NCKAP5: variants seen among roughly 807,000 people sequenced by gnomAD.
NCKAP5 encodes nck-associated protein 5.
In NCKAP5, 92 loss-of-function variants were observed where a neutral mutation model predicts 167.0. That is an observed-to-expected ratio of 0.55 (90% CI 0.47 to 0.66). The LOEUF (loss-of-function observed/expected upper bound fraction) is 0.66, where lower values mean the gene tolerates loss of function less well. Ranked by LOEUF, NCKAP5 falls within the 30% of genes least tolerant of loss-of-function variation. NCKAP5 has a pLI of 0.00. For synonymous variants in NCKAP5, 891 were observed against 877.4 expected (o/e 1.02, Z -0.27); for missense variants, 2,378 against 2,315.0 (o/e 1.03, Z -0.56).
chr2:132,760,453 G>T (rs1273796718), intron 16 of NCKAP5, among the ~76,000 whole-genome samples: 3 of 152,064 alleles, frequency 2.0e-5, no homozygotes, highest in Admixed American at 2.0e-4. Context: ...GGTTTTCATT[G>T]TTTTCAGAAA....
intron 5 of NCKAP5, among the ~76,000 whole-genome samples, chr2:133,168,033 T>C (rs555584808): frequency 6.6e-5 from 10 of 152,288 alleles, no homozygotes; most frequent in South Asian, 2.1e-4. Flanking sequence ...AAGCGCTTTA[T>C]ATGATAATTC....
intron 7 of NCKAP5, among the ~76,000 whole-genome samples, chr2:132,978,521 A>G (rs2077041530): frequency 6.6e-6 from 1 of 152,180 alleles, no homozygotes; most frequent in Non-Finnish European, 1.5e-5. Flanking sequence ...GGTAATATTT[A>G]GCTCTGAGAG....
intron 4 of NCKAP5, among the ~76,000 whole-genome samples, chr2:133,296,340 T>TCCC (rs1559360468): frequency 6.7e-6 from 1 of 150,344 alleles, no homozygotes; most frequent in Non-Finnish European, 1.5e-5. Flanking sequence ...TTCTCTAACA[T>TCCC]CCCCACCCCC....
chr2:132,737,858 T>A (rs1304247736), intron 16 of NCKAP5, among the ~76,000 whole-genome samples: 1 of 152,198 alleles, frequency 6.6e-6, no homozygotes, highest in African/African-American at 2.4e-5. Context: ...ATCTCCTCCA[T>A]TCTCCCATAT....
intron 8 of NCKAP5, among the ~76,000 whole-genome samples, chr2:132,963,277 C>A (rs543942288): frequency 3.9e-5 from 6 of 152,214 alleles, no homozygotes; most frequent in East Asian, 1.9e-4. Flanking sequence ...AATTCCTGCA[C>A]GTTTTTTTTA....
intron 19 of NCKAP5, among the ~76,000 whole-genome samples, chr2:132,701,522 T>C (rs562459164): frequency 2.7e-5 from 4 of 147,172 alleles, no homozygotes; most frequent in African/African-American, 8.2e-5. Context: ...TTACATCAGA[T>C]ACTGCTGCTG....
the NCKAP5 span, among the ~76,000 whole-genome samples, chr2:133,638,470 G>T: frequency 6.6e-6 from 1 of 152,256 alleles, no homozygotes; most frequent in Admixed American, 6.5e-5. Flanking sequence ...AAAACACATA[G>T]TAATGAAGAA....
At chr2:132,935,833 T>C (rs1296440856) in intron 8 of NCKAP5, among the ~76,000 whole-genome samples, 1 of 152,132 alleles carries the variant, frequency 6.6e-6, no homozygotes, top group Non-Finnish European at 1.5e-5. Context: ...CTACACATGA[T>C]GTGGTGTCGC....
intron 13 of NCKAP5, 140 bp downstream of exon 13, chr2:132,789,883 G>T: frequency 1.4e-6 from 1 of 702,336 alleles, no homozygotes; most frequent in Non-Finnish European, 2.3e-6. Flanking sequence ...TTGATGAAAG[G>T]ATGTCAGTAT....
At chr2:133,351,163 T>TAACCCTTA (rs1684332761) in intron 3 of NCKAP5, among the ~76,000 whole-genome samples, 9 of 152,176 alleles carry the variant, frequency 5.9e-5, no homozygotes, top group Admixed American at 5.9e-4. Context: ...ACTGAATGGA[T>TAACCCTTA]GACAGCTTAG....
chr2:133,333,076 G>C (rs1682973325), intron 3 of NCKAP5, among the ~76,000 whole-genome samples: 1 of 152,218 alleles, frequency 6.6e-6, no homozygotes, highest in South Asian at 2.1e-4. Flanking sequence ...GCCCTTGTTT[G>C]CTCTGAATTT....
intron 7 of NCKAP5, among the ~76,000 whole-genome samples, chr2:132,980,407 T>C (rs531939173): frequency 6.6e-6 from 1 of 152,300 alleles, no homozygotes; most frequent in South Asian, 2.1e-4. Flanking sequence ...ACCAGCACAT[T>C]AGTGTTTTTT....
At chr2:133,535,370 T>C (rs895006987) in intron 2 of NCKAP5, among the ~76,000 whole-genome samples, 1 of 152,146 alleles carries the variant, frequency 6.6e-6, no homozygotes, top group Non-Finnish European at 1.5e-5. Flanking sequence ...ACTCCTGCTT[T>C]TAAGTGAGAA....
intron 11 of NCKAP5, among the ~76,000 whole-genome samples, chr2:132,823,003 CA>C (rs1290813490): frequency 1.3e-5 from 2 of 151,910 alleles, no homozygotes; most frequent in African/African-American, 4.8e-5. Context: ...CAGACAAAGA[CA>C]ATGAAAAAAT....
At chr2:133,364,942 G>GTT (rs1389303551) in intron 3 of NCKAP5, among the ~76,000 whole-genome samples, 1 of 151,890 alleles carries the variant, frequency 6.6e-6, no homozygotes, top group Non-Finnish European at 1.5e-5. Flanking sequence ...GTAGAGATGG[G>GTT]GTGTCACTAT....
At chr2:133,299,339 C>G (rs1176952267) in intron 4 of NCKAP5, among the ~76,000 whole-genome samples, 1 of 152,048 alleles carries the variant, frequency 6.6e-6, no homozygotes, top group Admixed American at 6.6e-5. Context: ...GGTGAGGAGC[C>G]CCATGGTGAT....
At chr2:133,043,139 C>A (rs2079271144) in intron 6 of NCKAP5, among the ~76,000 whole-genome samples, 1 of 152,126 alleles carries the variant, frequency 6.6e-6, no homozygotes, top group African/African-American at 2.4e-5. Flanking sequence ...TTGGGTTCAA[C>A]ATTTTATGCC....
At chr2:133,156,890 TC>T (rs1405560914) in intron 5 of NCKAP5, among the ~76,000 whole-genome samples, 2 of 152,138 alleles carry the variant, frequency 1.3e-5, no homozygotes, top group African/African-American at 4.8e-5. Flanking sequence ...CATAAGCTGG[TC>T]CCAAGCTAGC....
At chr2:132,868,867 C>T in intron 10 of NCKAP5, 69 bp downstream of exon 10, 1 of 1,181,044 alleles carries the variant, frequency 8.5e-7, no homozygotes, top group East Asian at 2.7e-5. Context: ...AATTTCCTAG[C>T]TTAACAACAT....
Sources: gnomAD v4.1 joint callset for allele counts (sites outside exome capture counted in the v4.1 genomes callset) on GRCh38, gnomAD v4.1.1 for gene constraint, MANE v1.5 for transcripts, NCBI Gene and HGNC (gene_info 2026-07-23, HGNC 2026-07-21) for gene names.